Variants in CDC14B observed in about 807,000 individuals in gnomAD.
CDC14B encodes the protein cell division cycle 14B.
CDC14B carries 22 observed loss-of-function variants against 64.2 expected under a neutral mutation model. The ratio of observed to expected loss-of-function variants is 0.34; its 90% CI spans 0.24 to 0.49. CDC14B has a LOEUF of 0.49. Ranked by LOEUF, CDC14B falls within the 20% of genes least tolerant of loss-of-function variation. CDC14B has a pLI of 0.99. For synonymous variants in CDC14B, 191 were observed against 215.8 expected, an observed-to-expected ratio of 0.89 and a Z score of 1.01; for missense variants, 498 against 629.9, an observed-to-expected ratio of 0.79 and a Z score of 2.24.
Position 96,503,655 on chromosome 9 carries a change from A to G in CDC14B, c.*98T>C. 1.8e-6 allele frequency: 2 copies of G among 1,082,394 alleles called. No individual in the cohort carries two copies. Among genetic ancestry groups the G allele is most frequent in the South Asian group, 1.3e-5 (1 of 74,834 alleles). The allele number at this position is 1,082,394 out of a possible 1,614,324, so 67.0% of individuals were successfully genotyped here. A position where few individuals can be genotyped will look rare whatever the true frequency, so the allele number is the denominator to read the frequency against. On this transcript the variant is annotated 3_prime_UTR_variant, in exon 14 of 14. Coordinates refer to ENST00000375241, the MANE Select transcript of CDC14B (RefSeq NM_033331.4). ...AACTTCTTAGGTGGAAAAAGCAACTAAGGCTTTTGCAATTTTGTTTTGTTT... is the reference window on the plus strand; with the variant it reads ...AACTTCTTAGGTGGAAAAAGCAACTGAGGCTTTTGCAATTTTGTTTTGTTT...
At chr9:96,539,894 A>C (rs1399300032) in intron 6 of CDC14B, among the ~76,000 whole-genome samples, 1 of 152,214 alleles carries the variant, frequency 6.6e-6, no homozygotes, top group Non-Finnish European at 1.5e-5. Flanking sequence ...TGAGCCAAAC[A>C]GGAGGGAAGC....
chr9:96,505,331 T>A (rs1217168843), intron 13 of CDC14B, among the ~76,000 whole-genome samples: 1 of 152,140 alleles, frequency 6.6e-6, no homozygotes. Context: ...TGGTTCCTAG[T>A]GATACAACTC....
intron 1 of CDC14B, among the ~76,000 whole-genome samples, chr9:96,577,368 ACT>A (rs1404869613): frequency 3.3e-5 from 5 of 152,176 alleles, no homozygotes; most frequent in African/African-American, 9.7e-5. Context: ...TTAAAAGAAA[ACT>A]CAACATAAAT....
At position 96,515,594 on chromosome 9, in the gene CDC14B, A is replaced by C; in HGVS notation, c.1344-5805T>G. On this transcript the variant is annotated intron_variant, in intron 12 of 13. Coordinates refer to ENST00000375241, the MANE Select transcript of CDC14B (RefSeq NM_033331.4). This position sits in a 1 kb window ranked among gnomAD's most constrained non-coding sequence, Gnocchi z 4.3. ...AAGGAGAAAAACATGCATTGTGGGA[A>C]CCACACTAGGCACCAGAAGTAAGCA... is the stretch of plus-strand genomic sequence containing the variant. 6.8e-7 allele frequency: 1 copy of C among 1,462,948 alleles called. No homozygotes were observed. 90.6% of individuals were successfully genotyped at this position (1,462,948 alleles called of 1,614,324 possible).
intron 3 of CDC14B, 43 bp from the exon 4 acceptor site, chr9:96,562,828 C>T (rs924109461): frequency 8.1e-7 from 1 of 1,233,346 alleles, no homozygotes; most frequent in African/African-American, 1.5e-5. Flanking sequence ...TTTTTAATTT[C>T]AAGTCTTCCA....
At chr9:96,592,422 G>C (rs1245143070) in intron 1 of CDC14B, among the ~76,000 whole-genome samples, 1 of 152,134 alleles carries the variant, frequency 6.6e-6, no homozygotes, top group Non-Finnish European at 1.5e-5. Context: ...TGCACTTATC[G>C]AGCAAAGAAA....
At chr9:96,564,978 A>G in intron 2 of CDC14B, 126 bp from the exon 3 acceptor site, 1 of 585,754 alleles carries the variant, frequency 1.7e-6, no homozygotes, top group Non-Finnish European at 2.9e-6. Context: ...GGCCAATACA[A>G]CTTAAAGGTA....
intron 13 of CDC14B, among the ~76,000 whole-genome samples, chr9:96,507,955 C>T (rs1297471809): frequency 6.6e-6 from 1 of 151,868 alleles, no homozygotes; most frequent in Non-Finnish European, 1.5e-5. Flanking sequence ...TTATACATCT[C>T]TATATTTCTA....
chr9:96,514,127 C>T (rs774862446), intron 12 of CDC14B, among the ~76,000 whole-genome samples: 1 of 152,148 alleles, frequency 6.6e-6, no homozygotes, highest in South Asian at 2.1e-4. Context: ...AATACAATGG[C>T]AAACGTCATT....
intron 1 of CDC14B, among the ~76,000 whole-genome samples, chr9:96,600,797 C>T (rs957877360): frequency 6.6e-6 from 1 of 152,120 alleles, no homozygotes; most frequent in African/African-American, 2.4e-5. Context: ...GCCACCGCAC[C>T]CGGCCTAGCG....
intron 1 of CDC14B, among the ~76,000 whole-genome samples, chr9:96,597,428 A>G (rs1210228203): frequency 6.7e-6 from 1 of 150,230 alleles, no homozygotes; most frequent in African/African-American, 2.4e-5. Flanking sequence ...CAGGAGGCGG[A>G]GGTTGCAGTG....
intron 1 of CDC14B, among the ~76,000 whole-genome samples, chr9:96,605,871 A>T (rs933459871): frequency 4.0e-4 from 61 of 151,742 alleles, no homozygotes; most frequent in Admixed American, 9.2e-4. Context: ...CAAAAAAAAA[A>T]TTGTTTTTTT....
At chr9:96,536,920 A>G (rs757889457) in intron 7 of CDC14B, among the ~76,000 whole-genome samples, 5 of 152,198 alleles carry the variant, frequency 3.3e-5, no homozygotes, top group African/African-American at 4.8e-5. Flanking sequence ...AAATATATAT[A>G]CTATGTTAAA....
chr9:96,524,743 G>T (rs1248203784), intron 9 of CDC14B, among the ~76,000 whole-genome samples: 2 of 152,126 alleles, frequency 1.3e-5, no homozygotes, highest in African/African-American at 4.8e-5. Context: ...GCTTTCATCT[G>T]CACCATCAAC....
At chr9:96,496,280 C>T (rs769744393), downstream of CDC14B, 1 of 510,346 alleles carries the variant, frequency 2.0e-6, no homozygotes, top group South Asian at 1.4e-5. Flanking sequence ...AGACCTTCCC[C>T]GCAGGTCTAG....
chr9:96,606,284 G>A (rs1259327740), intron 1 of CDC14B, among the ~76,000 whole-genome samples: 1 of 119,164 alleles, frequency 8.4e-6, no homozygotes, highest in African/African-American at 3.3e-5. Flanking sequence ...AGTGAGCCAA[G>A]ATCGCACAAC....
intron 12 of CDC14B, among the ~76,000 whole-genome samples, chr9:96,520,578 A>G (rs1564228126): frequency 6.6e-6 from 1 of 152,214 alleles, no homozygotes; most frequent in African/African-American, 2.4e-5. Context: ...CCTATTTAAC[A>G]AAAACTTTTG....
intron 5 of CDC14B, among the ~76,000 whole-genome samples, chr9:96,549,246 C>G (rs1182698267): frequency 6.6e-6 from 1 of 152,034 alleles, no homozygotes; most frequent in African/African-American, 2.4e-5. Flanking sequence ...AAACAAAATA[C>G]AAGCTCAAAT....
At chr9:96,542,544 T>C (rs979836160) in intron 5 of CDC14B, among the ~76,000 whole-genome samples, 1 of 152,142 alleles carries the variant, frequency 6.6e-6, no homozygotes, top group Non-Finnish European at 1.5e-5. Flanking sequence ...GTTGCCCATG[T>C]TGGGGTGCAG....
Sources: allele counts gnomAD v4.1 joint callset (sites outside exome capture counted in the v4.1 genomes callset), GRCh38; gene constraint gnomAD v4.1.1; non-coding constraint Gnocchi (gnomAD v3.1); transcripts MANE v1.5; gene names NCBI Gene and HGNC (gene_info 2026-07-23, HGNC 2026-07-21).